ASXL1: variants seen among roughly 807,000 people sequenced by gnomAD.
The protein encoded by ASXL1 is polycomb group protein ASXL1.
Under a neutral mutation model 89.1 loss-of-function variants are expected in ASXL1, and 65 were observed. The observed-to-expected ratio is 0.73, with a 90% CI of 0.60 to 0.90. The LOEUF (loss-of-function observed/expected upper bound fraction) is 0.90. Ranked by LOEUF, ASXL1 falls within the 40% of genes least tolerant of loss-of-function variation. ASXL1 has a pLI of 0.00. For synonymous variants in ASXL1, 739 were observed against 746.9 expected (o/e 0.99, Z 0.17); for missense variants, 1,786 against 1,942.9 (o/e 0.92, Z 1.52).
At chr20:32,383,773 G>A (rs901472064) in intron 4 of ASXL1, among the ~76,000 whole-genome samples, 3 of 152,158 alleles carry the variant, frequency 2.0e-5, no homozygotes, top group African/African-American at 7.2e-5. Flanking sequence ...TAAAAACTGT[G>A]GGTGTAAAAC....
chr20:32,436,506 A>G lies in ASXL1; in HGVS notation c.3794A>G (p.Asp1265Gly). The stretch of plus-strand genomic sequence containing the variant: ...GCTGCTCCAGGAAAGAGCCCAGGAG[A>G]TCTTACTACCTCGAGAACACCTCGT... The part of the protein sequence containing the change: ...SNAAPGKSPG[D>G]LTTSRTPRFS... Residue 1265 changes from aspartate (D) to glycine (G), a missense_variant, in exon 13 of 13, where the codon GAT (aspartate) becomes GGT (glycine). This residue lies in a region of ASXL1 where 1,418 missense variants were observed against 1,427.8 expected (regional missense o/e 0.99). Coordinates refer to ENST00000375687, the MANE Select transcript of ASXL1 (RefSeq NM_015338.6). 2 of 1,614,226 alleles carry G rather than the reference A, an allele frequency of 1.2e-6. No homozygotes were observed. The highest frequency in any genetic ancestry group is 1.7e-6 in the Non-Finnish European group (2 of 1,180,048).
chr20:32,381,805 C>T (rs1027142309), intron 4 of ASXL1, among the ~76,000 whole-genome samples: 2 of 151,972 alleles, frequency 1.3e-5, no homozygotes, highest in Non-Finnish European at 2.9e-5. Context: ...TGAGCTACCG[C>T]GCCTGGCCGC....
At chr20:32,399,339 C>T (rs898530000) in intron 4 of ASXL1, among the ~76,000 whole-genome samples, 1 of 151,766 alleles carries the variant, frequency 6.6e-6, no homozygotes, top group Non-Finnish European at 1.5e-5. Flanking sequence ...CTGTATTTTG[C>T]ATGCTTTTTT....
intron 1 of ASXL1, among the ~76,000 whole-genome samples, chr20:32,361,473 A>G (rs1317064056): frequency 6.6e-6 from 1 of 151,664 alleles, no homozygotes; most frequent in African/African-American, 2.4e-5. Flanking sequence ...CCCAGTCTCT[A>G]CTAAAAATAC....
At chr20:32,428,758 TC>T in intron 6 of ASXL1, 1 of 300,838 alleles carries the variant, frequency 3.3e-6, no homozygotes, top group South Asian at 3.1e-5. Context: ...CCTCTGGGGT[TC>T]AAGCAATTCT....
chr20:32,435,241 G>C lies in ASXL1; in HGVS notation c.2529G>C (p.Val843=), dbSNP rs2145368569. 2.5e-6 allele frequency: 4 copies of C among 1,614,050 alleles called. No individual in the cohort carries two copies. Among genetic ancestry groups the C allele is most frequent in the Non-Finnish European group, 3.4e-6 (4 of 1,180,024 alleles). ...SHPTMKDPVN[V]TPSSTPESSP... ...CCACTATGAAGGATCCTGTAAATGT[G>C]ACCCCCAGTTCCACACCTGAATCCT... is the stretch of plus-strand genomic sequence containing the variant. The change falls in exon 13 of 13, where the codon GTG becomes GTC. Residue 843 remains valine (V), a synonymous_variant. Coordinates refer to ENST00000375687, the MANE Select transcript of ASXL1 (RefSeq NM_015338.6).
At chr20:32,424,856 T>A (rs1176952679) in intron 4 of ASXL1, among the ~76,000 whole-genome samples, 1 of 152,176 alleles carries the variant, frequency 6.6e-6, no homozygotes, top group Non-Finnish European at 1.5e-5. Flanking sequence ...ATGTTCAGCT[T>A]AAGGAATTAT....
intron 4 of ASXL1, among the ~76,000 whole-genome samples, chr20:32,411,212 A>ATT (rs1191515935): frequency 1.5e-5 from 1 of 65,814 alleles, no homozygotes; most frequent in Admixed American, 1.7e-4. Context: ...GAATTTATGG[A>ATT]TTCTTTTTTT....
chr20:32,404,494 T>C (rs1179697802), intron 4 of ASXL1, among the ~76,000 whole-genome samples: 1 of 152,258 alleles, frequency 6.6e-6, no homozygotes. Context: ...ATCTGTATTC[T>C]GTGACCTTTA....
In ASXL1 at chr20:32,429,992, C is replaced by G. The variant is rs1419875008; in HGVS notation, c.657C>G (p.Gly219=). 6.2e-7 allele frequency: 1 copy of G among 1,608,642 alleles called. No homozygotes were observed. Among genetic ancestry groups the G allele is most frequent in the Non-Finnish European group, 8.5e-7 (1 of 1,179,922 alleles). Residue 219 remains glycine (G), a synonymous_variant, in exon 8 of 13, where the codon GGC becomes GGG. Transcript: ENST00000375687. This position sits in a 1 kb window ranked among gnomAD's most constrained non-coding sequence, Gnocchi z 4.9. The stretch of plus-strand genomic sequence containing the variant: ...CCCTGGGCAGCGCTGCTATTCGTGG[C>G]CAGGCCGAGGTCACCCAGGACCCTG... The part of the protein sequence containing the change: ...SLALGSAAIR[G]QAEVTQDPAP...
chr20:32,407,009 T>C (rs896353172), intron 4 of ASXL1, among the ~76,000 whole-genome samples: 2 of 152,170 alleles, frequency 1.3e-5, no homozygotes, highest in Non-Finnish European at 2.9e-5. Context: ...TCTTCCCATT[T>C]AAAAAGATTG....
intron 4 of ASXL1, among the ~76,000 whole-genome samples, chr20:32,418,682 G>T (rs1261598482): frequency 6.6e-6 from 1 of 151,766 alleles, no homozygotes; most frequent in Non-Finnish European, 1.5e-5. Context: ...CTCTCATCTT[G>T]TTCTTCAAGA....
At chr20:32,431,748 A>G in intron 10 of ASXL1, 69 bp downstream of exon 10, 2 of 1,505,852 alleles carry the variant, frequency 1.3e-6, no homozygotes, top group South Asian at 2.3e-5. Context: ...GTCTCCTGGT[A>G]TTTAAAACCC....
In ASXL1 at chr20:32,358,774, G is replaced by GGATGAAGGACAAACAGAAGAA; in HGVS notation, c.2_22dup. 1 of 1,480,426 alleles carries GGATGAAGGACAAACAGAAGAA rather than the reference G, an allele frequency of 6.8e-7. No homozygotes were observed. The highest frequency in any genetic ancestry group is 9.0e-7 in the Non-Finnish European group (1 of 1,109,644). The allele number at this position is 1,480,426 out of a possible 1,614,324, so 91.7% of individuals were successfully genotyped here. On this transcript the variant is annotated 5_prime_UTR_variant, in exon 1 of 13. It adds an upstream start codon to the 5' untranslated region. Coordinates refer to ENST00000375687, the MANE Select transcript of ASXL1 (RefSeq NM_015338.6). ...GAGCTGCCGCCGCCGCCGGGGAGAA[G>GGATGAAGGACAAACAGAAGAA]GATGAAGGACAAACAGAAGAAGAAG...
intron 4 of ASXL1, among the ~76,000 whole-genome samples, chr20:32,408,750 A>G (rs2048997145): frequency 6.6e-6 from 1 of 150,944 alleles, no homozygotes; most frequent in Non-Finnish European, 1.5e-5. Context: ...TTTAGAATCA[A>G]CTTGTCAATT....
chr20:32,384,640 G>GA (rs2048547264), intron 4 of ASXL1, among the ~76,000 whole-genome samples: 2 of 152,190 alleles, frequency 1.3e-5, no homozygotes, highest in Non-Finnish European at 2.9e-5. Context: ...GGAGAAGAGA[G>GA]AACTTGATTG....
chr20:32,431,170 T>C (rs1342810153), intron 8 of ASXL1, 151 bp from the exon 9 acceptor site: 1 of 945,038 alleles, frequency 1.1e-6, no homozygotes, highest in Non-Finnish European at 1.7e-6. Context: ...CTGGAAAGAA[T>C]ATACAGGTTA....
At chr20:32,434,106 C>A in intron 12 of ASXL1, 189 bp downstream of exon 12, 1 of 882,106 alleles carries the variant, frequency 1.1e-6, no homozygotes, top group Non-Finnish European at 1.7e-6. Flanking sequence ...CTTTTTTGTT[C>A]ACTCTGTTGA....
intron 8 of ASXL1, chr20:32,430,946 T>C (rs2011495118): frequency 1.1e-5 from 5 of 458,162 alleles, no homozygotes; most frequent in South Asian, 6.1e-5. Flanking sequence ...TATAGTATAC[T>C]AACTAGATTT....
Sources: gnomAD v4.1 joint callset for allele counts (sites outside exome capture counted in the v4.1 genomes callset) on GRCh38, gnomAD v4.1.1 for gene constraint, gnomAD v4.1.1 regional missense constraint, Gnocchi (gnomAD v3.1) non-coding constraint, MANE v1.5 for transcripts, NCBI Gene and HGNC (gene_info 2026-07-23, HGNC 2026-07-21) for gene names.